RASA3: variants seen among roughly 807,000 people sequenced by gnomAD.
RASA3 encodes ras GTPase-activating protein 3.
In RASA3, 73 loss-of-function variants were observed where a neutral mutation model predicts 110.0. That is an observed-to-expected ratio of 0.66 (90% CI 0.55 to 0.81). The LOEUF (loss-of-function observed/expected upper bound fraction) is 0.81, where lower values mean the gene tolerates loss of function less well. Among genes scored for constraint, RASA3 ranks in the 30% least tolerant of loss-of-function variants. The pLI, the probability that RASA3 is intolerant of heterozygous loss-of-function variation, is 0.00. For synonymous variants in RASA3, 500 were observed against 451.4 expected, an observed-to-expected ratio of 1.11 and a Z score of -1.37; for missense variants, 976 against 1,113.2, an observed-to-expected ratio of 0.88 and a Z score of 1.75.
At chr13:114,063,719 G>T (rs2079400347) in intron 2 of RASA3, among the ~76,000 whole-genome samples, 4 of 152,198 alleles carry the variant, frequency 2.6e-5, no homozygotes, top group Admixed American at 1.3e-4. Context: ...GTGGCTGATT[G>T]TCCCCGTGGG....
At chr13:114,004,189 C>T (rs1483715845) in intron 18 of RASA3, among the ~76,000 whole-genome samples, 1 of 152,110 alleles carries the variant, frequency 6.6e-6, no homozygotes, top group Non-Finnish European at 1.5e-5. Flanking sequence ...GCAGATGGCT[C>T]TAACAGAGTA....
Position 113,980,621 on chromosome 13 carries a change from C to G in RASA3, c.2429+1054G>C, listed in dbSNP as rs117747487. On this transcript the variant is annotated intron_variant, in intron 23 of 23. Coordinates refer to ENST00000334062, the MANE Select transcript of RASA3 (RefSeq NM_007368.4). The stretch of plus-strand genomic sequence containing the variant: ...GGACCTGCTGATATCAACGAGGCAA[C>G]ATATTTGGAAGGCAAATGGGGCTGT... Among the ~76,000 whole-genome samples, 68 of 152,384 alleles carry G rather than the reference C, an allele frequency of 4.5e-4. No individual in the cohort carries two copies. The East Asian group carries it at 4.6e-3, about 10-fold the overall frequency.
chr13:114,098,562 G>GGT (rs939262161), intron 1 of RASA3, among the ~76,000 whole-genome samples: 5 of 151,890 alleles, frequency 3.3e-5, no homozygotes, highest in African/African-American at 7.3e-5. Context: ...GGACGTTAAG[G>GGT]GTGTGTGTGT....
chr13:114,117,606 CGTGT>C (rs1180238817), intron 1 of RASA3, among the ~76,000 whole-genome samples: 3 of 123,242 alleles, frequency 2.4e-5, no homozygotes, highest in Non-Finnish European at 4.9e-5. Flanking sequence ...TGGGTGAGCA[CGTGT>C]GTGAGGGGTG....
intron 16 of RASA3, 69 bp from the exon 17 acceptor site, chr13:114,009,533 G>A (rs12870350): frequency 6.6e-6 from 7 of 1,064,848 alleles, no homozygotes; most frequent in African/African-American, 3.1e-5. Context: ...ATCTGAAAAA[G>A]CTAGAGGCAA....
rs1043378508 is a variant in RASA3 at position 114,065,381 on chromosome 13, C to A, written c.173+8339G>T. Among the ~76,000 whole-genome samples the A allele has an allele frequency of 6.6e-6, 1 of 152,222 alleles. No individual in the cohort carries two copies. Among genetic ancestry groups the A allele is most frequent in the African/African-American group, 2.4e-5 (1 of 41,464 alleles). On this transcript the variant is annotated intron_variant, in intron 2 of 23. Transcript: ENST00000334062. This position sits in a 1 kb window ranked among gnomAD's most constrained non-coding sequence, Gnocchi z 4.1. ...CCGGGAGCTGCCAGGGCTGCCCCAG[C>A]CTCGGGGTAGAGGGTAAAGGCTGCG...
intron 3 of RASA3, among the ~76,000 whole-genome samples, chr13:114,043,380 C>T (rs976101287): frequency 6.6e-6 from 1 of 152,126 alleles, no homozygotes; most frequent in African/African-American, 2.4e-5. Flanking sequence ...TCAGGGGAGC[C>T]GGCTGCACCT....
chr13:114,069,547 G>GCCA (rs1566547949), intron 2 of RASA3, among the ~76,000 whole-genome samples: 14 of 16,440 alleles, frequency 8.5e-4, no homozygotes, highest in Non-Finnish European at 1.3e-3. Context: ...CTCAGGGGTC[G>GCCA]GGAGACTCGG....
intron 13 of RASA3, among the ~76,000 whole-genome samples, chr13:114,015,654 A>G (rs1478857380): frequency 6.6e-6 from 1 of 151,924 alleles, no homozygotes; most frequent in Non-Finnish European, 1.5e-5. Context: ...AGAAATGACG[A>G]AACAGCACGC....
rs3737051 is a variant in RASA3 at position 113,992,471 on chromosome 13, C to T, written c.2245+14G>A. On this transcript the variant is annotated intron_variant, in intron 22 of 23. Coordinates refer to ENST00000334062, the MANE Select transcript of RASA3 (RefSeq NM_007368.4). ...TCCCCTCGCTGCACAGATCTGTGTGCCGGGCAGACTCACCCTGCATCTTCT... is the reference window on the plus strand; with the variant it reads ...TCCCCTCGCTGCACAGATCTGTGTGTCGGGCAGACTCACCCTGCATCTTCT... 5,945 of 1,601,814 alleles carry T rather than the reference C, an allele frequency of 3.7e-3. 158 individuals are homozygous for T. The East Asian group carries it at 0.054, about 14-fold the overall frequency.
rs745605265 is a variant in RASA3, at chr13:114,013,144, T to C, written c.1510A>G (p.Thr504Ala). The change falls in exon 15 of 24, where the codon ACG (threonine) becomes GCG (alanine). Residue 504 changes from threonine to alanine, a missense_variant and splice_region_variant. Transcript: ENST00000334062. ...CGGTCCCTCAGCCGGTCACTCACCG[T>C]GTGGTGCGGCGTGAGCTGGAAGAGG... ...PNLFQLTPHH[T>A]DPQTSRTLTL... 3 of 1,611,904 alleles carry C rather than the reference T, an allele frequency of 1.9e-6. No individual in the cohort carries two copies. The East Asian group carries it at 6.7e-5, about 36-fold the overall frequency.
chr13:114,011,560 C>T lies in RASA3; in HGVS notation c.1513-312G>A, dbSNP rs922217026. 2.6e-5 allele frequency among the ~76,000 whole-genome samples: 4 copies of T among 152,100 alleles called. No homozygotes were observed. The East Asian group carries it at 5.8e-4, about 22-fold the overall frequency. ...GTCATGGCTCTGGGGCGCTGAGTCT[C>T]GGGGTGCTGAGTCTCCTGGCCCTGC... On this transcript the variant is annotated intron_variant, in intron 15 of 23. Transcript: ENST00000334062. This position sits in a 1 kb window ranked among gnomAD's most constrained non-coding sequence, Gnocchi z 4.8.
chr13:114,129,723 C>T (rs1450806331), intron 1 of RASA3, among the ~76,000 whole-genome samples: 1 of 152,098 alleles, frequency 6.6e-6, no homozygotes, highest in East Asian at 1.9e-4. Flanking sequence ...CTGCCTTGTA[C>T]GTTCCCACCG....
chr13:114,017,117 C>G (rs2053810659), intron 12 of RASA3, 120 bp downstream of exon 12: 2 of 872,918 alleles, frequency 2.3e-6, no homozygotes, highest in African/African-American at 3.3e-5. Context: ...CGTGGCGAGG[C>G]CAGAGGGGCC....
In RASA3 at chr13:113,979,189, G is replaced by C. The variant is rs1479566113; in HGVS notation, c.*158C>G. 4.4e-6 allele frequency: 3 copies of C among 679,178 alleles called. No homozygotes were observed. Among genetic ancestry groups the C allele is most frequent in the Admixed American group, 4.8e-5 (2 of 41,572 alleles). 42.1% of individuals were successfully genotyped at this position (679,178 alleles called of 1,614,324 possible). A position where few individuals can be genotyped will look rare whatever the true frequency, so the allele number is the denominator to read the frequency against. On this transcript the variant is annotated 3_prime_UTR_variant, in exon 24 of 24. Coordinates refer to ENST00000334062, the MANE Select transcript of RASA3 (RefSeq NM_007368.4). ...CGGAGGGCGTGGCGGTGGTGGCAGC[G>C]GTTCTGGGAGAGGGAAACCCCAGCG... is the stretch of plus-strand genomic sequence containing the variant.
At chr13:114,024,472 C>T (rs1020465579) in intron 7 of RASA3, 117 bp from the exon 8 acceptor site, 6 of 882,816 alleles carry the variant, frequency 6.8e-6, no homozygotes, top group Admixed American at 2.0e-5. Flanking sequence ...CACTCAAGGG[C>T]CACAACCAGG....
chr13:113,992,682 GACA>G (rs1272365165), intron 21 of RASA3, 94 bp from the exon 22 acceptor site: 14 of 960,380 alleles, frequency 1.5e-5, no homozygotes, highest in African/African-American at 1.1e-4. Context: ...ACTGAAGAAA[GACA>G]ACGATTGTGT....
chr13:114,094,781 T>C (rs921770957), intron 1 of RASA3, among the ~76,000 whole-genome samples: 1 of 152,248 alleles, frequency 6.6e-6, no homozygotes, highest in Non-Finnish European at 1.5e-5. Flanking sequence ...ATTTATGCAT[T>C]TTGTTGGGCT....
At position 114,024,429 on chromosome 13, in the gene RASA3, G is replaced by C. The variant is rs895524623; in HGVS notation, c.604-74C>G. The C allele has an allele frequency of 6.6e-6, 9 of 1,367,006 alleles. No homozygotes were observed. In the South Asian group the frequency reaches 1.0e-4, roughly 16 times the overall value. 84.7% of individuals were successfully genotyped at this position (1,367,006 alleles called of 1,614,324 possible). On this transcript the variant is annotated intron_variant, in intron 7 of 23. Transcript: ENST00000334062. ...GGGGGTATATGCGGACCTAGGCCCC[G>C]GGCTGCCCTACCCTCTGCGCTTACC...
Sources: gnomAD v4.1 joint callset for allele counts (sites outside exome capture counted in the v4.1 genomes callset) on GRCh38, gnomAD v4.1.1 for gene constraint, Gnocchi (gnomAD v3.1) non-coding constraint, MANE v1.5 for transcripts, NCBI Gene and HGNC (gene_info 2026-07-23, HGNC 2026-07-21) for gene names.